C1orf21: variants seen among roughly 807,000 people sequenced by gnomAD.
The protein encoded by C1orf21 is chromosome 1 open reading frame 21.
A neutral mutation model predicts 18.7 loss-of-function variants in C1orf21; 3 were observed. That is an observed-to-expected ratio of 0.16 (90% CI 0.07 to 0.42). C1orf21 has a LOEUF of 0.42. C1orf21 is among the 10% of genes least tolerant of loss of function. The pLI is 0.99. For missense variants in C1orf21, 104 were observed against 143.6 expected (o/e 0.72, Z 1.41); for synonymous variants, 41 against 46.4 (o/e 0.88, Z 0.47).
At chr1:184,477,181 C>G (rs1328519535) in intron 1 of C1orf21, among the ~76,000 whole-genome samples, 1 of 152,156 alleles carries the variant, frequency 6.6e-6, no homozygotes, top group Admixed American at 6.5e-5. Context: ...TAGGGACATG[C>G]CTTTCCATCT....
Position 184,621,445 on chromosome 1 carries a change from T to A in C1orf21, c.*1889T>A, listed in dbSNP as rs1659914823. On this transcript the variant is annotated 3_prime_UTR_variant, in exon 6 of 6. Coordinates refer to ENST00000235307, the MANE Select transcript of C1orf21 (RefSeq NM_030806.4). The stretch of plus-strand genomic sequence containing the variant: ...TTCAGGTTGCCTCCCCTCATATGGT[T>A]TTTGGCCAAGTGACTAAAACAGTTT... The A allele has an allele frequency of 6.6e-6, 1 of 152,588 alleles. No homozygotes were observed. Among genetic ancestry groups the A allele is most frequent in the African/African-American group, 2.4e-5 (1 of 41,428 alleles). The allele number at this position is 152,588 out of a possible 1,614,324, so 9.5% of individuals were successfully genotyped here.
chr1:184,390,409 C>G (rs1655953920), intron 1 of C1orf21, among the ~76,000 whole-genome samples: 1 of 152,136 alleles, frequency 6.6e-6, no homozygotes, highest in African/African-American at 2.4e-5. Context: ...GAGGGTATGG[C>G]AGGTCTGATC....
intron 1 of C1orf21, among the ~76,000 whole-genome samples, chr1:184,421,467 G>T (rs1656546529): frequency 6.6e-6 from 1 of 152,072 alleles, no homozygotes; most frequent in African/African-American, 2.4e-5. Flanking sequence ...ATTCCTTTAG[G>T]CTTTAAAACA....
At chr1:184,591,792 C>T (rs970522308) in intron 4 of C1orf21, among the ~76,000 whole-genome samples, 13 of 148,646 alleles carry the variant, frequency 8.7e-5, no homozygotes, top group Non-Finnish European at 1.8e-4. Flanking sequence ...GGCGACAGAG[C>T]GAGACTCCAT....
intron 3 of C1orf21, among the ~76,000 whole-genome samples, chr1:184,511,694 A>T (rs193271586): frequency 9.2e-5 from 14 of 152,316 alleles, no homozygotes; most frequent in African/African-American, 2.9e-4. Flanking sequence ...ACTAGGTAAT[A>T]CATAAAGCAA....
chr1:184,424,148 C>G (rs572316934), intron 1 of C1orf21, among the ~76,000 whole-genome samples: 7 of 152,134 alleles, frequency 4.6e-5, no homozygotes, highest in Non-Finnish European at 8.8e-5. Flanking sequence ...CTGACATTCT[C>G]TTTTTTTGTG....
chr1:184,436,099 A>G (rs2101972863), intron 1 of C1orf21, among the ~76,000 whole-genome samples: 1 of 152,180 alleles, frequency 6.6e-6, no homozygotes, highest in Non-Finnish European at 1.5e-5. Context: ...AGAAAGGGAG[A>G]TGCTGGTGAT....
At chr1:184,548,635 C>T (rs1052778906) in intron 3 of C1orf21, among the ~76,000 whole-genome samples, 4 of 151,808 alleles carry the variant, frequency 2.6e-5, no homozygotes. Context: ...CTGTGAACTT[C>T]CATGAGAAAA....
chr1:184,599,762 C>G (rs1470468190), intron 5 of C1orf21, among the ~76,000 whole-genome samples: 1 of 152,136 alleles, frequency 6.6e-6, no homozygotes, highest in Admixed American at 6.5e-5. Context: ...AAAAGAAATA[C>G]AGGTTAAGTA....
At chr1:184,521,029 G>C (rs1052032404) in intron 3 of C1orf21, among the ~76,000 whole-genome samples, 1 of 152,106 alleles carries the variant, frequency 6.6e-6, no homozygotes, top group Non-Finnish European at 1.5e-5. Context: ...GAGTAGCTGG[G>C]ATTACAGGCA....
intron 1 of C1orf21, among the ~76,000 whole-genome samples, chr1:184,458,430 C>A (rs1657253647): frequency 6.6e-6 from 1 of 151,932 alleles, no homozygotes; most frequent in South Asian, 2.1e-4. Flanking sequence ...GTGCTGGGTC[C>A]CTTTGGGGAA....
chr1:184,468,956 C>T (rs943305525), intron 1 of C1orf21, among the ~76,000 whole-genome samples: 4 of 133,456 alleles, frequency 3.0e-5, no homozygotes, highest in African/African-American at 5.7e-5. Context: ...ACAAAAAGGC[C>T]GGGCTTGGTG....
chr1:184,550,843 T>C (rs1055706261), intron 3 of C1orf21, among the ~76,000 whole-genome samples: 14 of 152,178 alleles, frequency 9.2e-5, no homozygotes, highest in South Asian at 2.1e-4. Context: ...GGCTGTCTTC[T>C]GGTTTTGTAA....
intron 1 of C1orf21, among the ~76,000 whole-genome samples, chr1:184,444,332 T>C (rs1200979145): frequency 6.6e-6 from 1 of 152,160 alleles, no homozygotes; most frequent in African/African-American, 2.4e-5. Flanking sequence ...AGGGACCCGG[T>C]GGGAGATAAT....
chr1:184,619,466 G>T, intron 5 of C1orf21, 52 bp from the exon 6 acceptor site: 4 of 1,576,268 alleles, frequency 2.5e-6, no homozygotes, highest in Non-Finnish European at 3.5e-6. Flanking sequence ...ACTATTTCAG[G>T]CTCTGCTTTG....
intron 1 of C1orf21, among the ~76,000 whole-genome samples, chr1:184,449,197 C>A (rs1259515271): frequency 6.6e-6 from 1 of 151,580 alleles, no homozygotes; most frequent in Non-Finnish European, 1.5e-5. Flanking sequence ...TATCCCTCCC[C>A]CTTCCCCCCA....
chr1:184,481,408 G>C (rs1281693125), intron 2 of C1orf21, among the ~76,000 whole-genome samples: 3 of 152,114 alleles, frequency 2.0e-5, no homozygotes, highest in Admixed American at 2.0e-4. Flanking sequence ...TCTGAAGCTT[G>C]GACTTAGAGC....
chr1:184,435,396 T>C (rs528250704), intron 1 of C1orf21, among the ~76,000 whole-genome samples: 1 of 152,298 alleles, frequency 6.6e-6, no homozygotes, highest in South Asian at 2.1e-4. Flanking sequence ...CAGCCTGGAG[T>C]GCAGTGGCAT....
chr1:184,538,103 A>G (rs1283487633), intron 3 of C1orf21, among the ~76,000 whole-genome samples: 2 of 137,820 alleles, frequency 1.5e-5, no homozygotes, highest in Admixed American at 1.5e-4. Flanking sequence ...AATTCTAGTT[A>G]CTCTGCATCC....
Sources: gnomAD v4.1 joint callset for allele counts (sites outside exome capture counted in the v4.1 genomes callset) on GRCh38, gnomAD v4.1.1 for gene constraint, MANE v1.5 for transcripts, NCBI Gene and HGNC (gene_info 2026-07-23, HGNC 2026-07-21) for gene names.